Variants in ADGRL3 observed in about 807,000 individuals in gnomAD.
ADGRL3 encodes the protein adhesion G protein-coupled receptor L3, also known as calcium-independent alpha-latrotoxin receptor 3.
In ADGRL3, 62 loss-of-function variants were observed where a neutral mutation model predicts 153.5. The ratio of observed to expected loss-of-function variants is 0.40; its 90% CI spans 0.33 to 0.50. The LOEUF is 0.50. Ranked by LOEUF, ADGRL3 falls within the 20% of genes least tolerant of loss-of-function variation. ADGRL3 has a pLI of 0.47. For missense variants in ADGRL3, 1,641 were observed against 1,859.4 expected (o/e 0.88, Z 2.16); for synonymous variants, 710 against 672.5 (o/e 1.06, Z -0.86).
intron 2 of ADGRL3, among the ~76,000 whole-genome samples, chr4:61,493,999 G>C (rs1316446821): frequency 2.0e-5 from 3 of 151,438 alleles, no homozygotes; most frequent in Admixed American, 6.6e-5. Flanking sequence ...GTAATATCTA[G>C]CACAATGTGT....
chr4:61,830,839 A>G (rs2097860071), intron 9 of ADGRL3, among the ~76,000 whole-genome samples: 1 of 152,160 alleles, frequency 6.6e-6, no homozygotes, highest in African/African-American at 2.4e-5. Flanking sequence ...GTGTCATAAT[A>G]TTATTGACCT....
At chr4:61,631,703 T>A (rs1166586286) in intron 5 of ADGRL3, among the ~76,000 whole-genome samples, 2 of 152,138 alleles carry the variant, frequency 1.3e-5, no homozygotes, top group Non-Finnish European at 2.9e-5. Context: ...AAGAAGAAAA[T>A]GAGTTTAATT....
At chr4:61,722,486 T>G (rs1340325065) in intron 6 of ADGRL3, among the ~76,000 whole-genome samples, 1 of 152,172 alleles carries the variant, frequency 6.6e-6, no homozygotes, top group Non-Finnish European at 1.5e-5. Context: ...TGTACAATTC[T>G]TTCAACTGCC....
At chr4:61,745,771 A>T (rs545942926) in intron 8 of ADGRL3, among the ~76,000 whole-genome samples, 1 of 152,216 alleles carries the variant, frequency 6.6e-6, no homozygotes, top group Admixed American at 6.5e-5. Context: ...AATTGTAAAG[A>T]CCATCGAGGC....
chr4:61,374,729 T>G (rs2096583600), intron 1 of ADGRL3, among the ~76,000 whole-genome samples: 1 of 152,272 alleles, frequency 6.6e-6, no homozygotes, highest in South Asian at 2.1e-4. Flanking sequence ...TTTTTTCACT[T>G]GTGCAGAAGC....
At chr4:61,845,361 A>G (rs1034049920) in intron 9 of ADGRL3, among the ~76,000 whole-genome samples, 4 of 149,052 alleles carry the variant, frequency 2.7e-5, no homozygotes, top group African/African-American at 9.9e-5. Flanking sequence ...TGTAATTTTT[A>G]TTTTTTGAGA....
chr4:61,562,795 T>C (rs1487600593), intron 4 of ADGRL3, among the ~76,000 whole-genome samples: 1 of 152,092 alleles, frequency 6.6e-6, no homozygotes, highest in Non-Finnish European at 1.5e-5. Context: ...CCTGTTTATT[T>C]TGATCTTCTT....
chr4:61,687,609 G>A (rs2095470154), intron 6 of ADGRL3, among the ~76,000 whole-genome samples: 1 of 151,878 alleles, frequency 6.6e-6, no homozygotes. Context: ...ATTCATTTAT[G>A]AATATATTAA....
chr4:61,241,367 G>A (rs1754892794), intron 1 of ADGRL3, among the ~76,000 whole-genome samples: 2 of 151,964 alleles, frequency 1.3e-5, no homozygotes, highest in Non-Finnish European at 2.9e-5. Flanking sequence ...TTGAATGATA[G>A]CCATAGGATT....
chr4:61,736,291 T>C (rs2096511527), intron 8 of ADGRL3, among the ~76,000 whole-genome samples: 1 of 152,080 alleles, frequency 6.6e-6, no homozygotes, highest in South Asian at 2.1e-4. Flanking sequence ...TGTATTTGCT[T>C]GTCTGTTTAT....
chr4:61,728,507 TTAAG>T (rs1383395339), intron 6 of ADGRL3, among the ~76,000 whole-genome samples: 2 of 152,118 alleles, frequency 1.3e-5, no homozygotes, highest in African/African-American at 4.8e-5. Flanking sequence ...TGTCTTCTCA[TTAAG>T]TATTTGTTGA....
intron 6 of ADGRL3, among the ~76,000 whole-genome samples, chr4:61,723,439 G>A (rs2151676661): frequency 6.6e-6 from 1 of 152,194 alleles, no homozygotes; most frequent in South Asian, 2.1e-4. Flanking sequence ...CCATACAGAG[G>A]GAGTGGGGGC....
Position 62,072,559 on chromosome 4 carries a change from T to A in ADGRL3, c.*1651T>A, listed in dbSNP as rs1341985141. The A allele has an allele frequency of 1.3e-5, 2 of 152,396 alleles. No individual in the cohort carries two copies. Among genetic ancestry groups the A allele is most frequent in the Non-Finnish European group, 2.9e-5 (2 of 68,016 alleles). 9.4% of individuals were successfully genotyped at this position (152,396 alleles called of 1,614,324 possible). A position where few individuals can be genotyped will look rare whatever the true frequency, so the allele number is the denominator to read the frequency against. ...AATCCTCTGTGGCCCAAATGAGCCATGCAAAAGAAATCAATCTGCCTAGAT... is the reference window on the plus strand; with the variant it reads ...AATCCTCTGTGGCCCAAATGAGCCAAGCAAAAGAAATCAATCTGCCTAGAT... On this transcript the variant is annotated 3_prime_UTR_variant, in exon 27 of 27. Coordinates refer to ENST00000683033, the MANE Select transcript of ADGRL3 (RefSeq NM_001387552.1).
At chr4:61,366,410 C>T (rs1026746269) in intron 1 of ADGRL3, among the ~76,000 whole-genome samples, 1 of 152,152 alleles carries the variant, frequency 6.6e-6, no homozygotes, top group Non-Finnish European at 1.5e-5. Context: ...TATCACTTTT[C>T]CCAGTGGGAA....
intron 9 of ADGRL3, 43 bp downstream of exon 9, chr4:61,813,932 C>T (rs1239335788): frequency 1.2e-6 from 2 of 1,605,316 alleles, no homozygotes; most frequent in African/African-American, 1.3e-5. Context: ...TCTGCTCATT[C>T]TTTGATGAAA....
At chr4:61,354,107 C>G (rs991841477) in intron 1 of ADGRL3, among the ~76,000 whole-genome samples, 1 of 152,034 alleles carries the variant, frequency 6.6e-6, no homozygotes, top group South Asian at 2.1e-4. Context: ...CCTCAGTGAT[C>G]GACTTGTATA....
intron 2 of ADGRL3, among the ~76,000 whole-genome samples, chr4:61,466,894 A>T (rs903009522): frequency 1.3e-5 from 2 of 152,090 alleles, no homozygotes; most frequent in African/African-American, 4.8e-5. Context: ...GTGGATGCTG[A>T]TACCTAAATT....
intron 3 of ADGRL3, among the ~76,000 whole-genome samples, chr4:61,504,309 T>C (rs1378037420): frequency 6.6e-6 from 1 of 152,202 alleles, no homozygotes; most frequent in Non-Finnish European, 1.5e-5. Flanking sequence ...TTTACTCATG[T>C]ATTTGATTCC....
intron 6 of ADGRL3, among the ~76,000 whole-genome samples, chr4:61,701,765 A>T (rs1464895141): frequency 6.6e-6 from 1 of 152,084 alleles, no homozygotes; most frequent in Non-Finnish European, 1.5e-5. Flanking sequence ...TGATAACTTC[A>T]TGATAGCTTA....
Sources: allele counts gnomAD v4.1 joint callset (sites outside exome capture counted in the v4.1 genomes callset), GRCh38; gene constraint gnomAD v4.1.1; transcripts MANE v1.5; gene names NCBI Gene and HGNC (gene_info 2026-07-23, HGNC 2026-07-21).